Variants in GNG12 observed in about 807,000 individuals in gnomAD.
The protein encoded by GNG12 is G protein subunit gamma 12.
For missense variants in GNG12, 69 were observed against 83.8 expected, an observed-to-expected ratio of 0.82 and a Z score of 0.69; for synonymous variants, 28 against 29.7, an observed-to-expected ratio of 0.94 and a Z score of 0.19.
At chr1:67,753,606 T>A (rs1646551783) in intron 2 of GNG12, among the ~76,000 whole-genome samples, 1 of 152,208 alleles carries the variant, frequency 6.6e-6, no homozygotes, top group South Asian at 2.1e-4. Context: ...CCTCCAAGCA[T>A]GAAAAGCATT....
At chr1:67,798,916 T>C (rs1646847628) in intron 1 of GNG12, among the ~76,000 whole-genome samples, 1 of 152,020 alleles carries the variant, frequency 6.6e-6, no homozygotes, top group Admixed American at 6.5e-5. Context: ...ATCATGCCAC[T>C]GCACTCCAGC....
chr1:67,727,083 G>A lies in GNG12; in HGVS notation c.-26-19371C>T, dbSNP rs189024268. ...TTAAAGTGGAGGGAAATAGGGCTGC[G>A]TCCAAGGGTAATTCATCTTATGAGT... On this transcript the variant is annotated intron_variant, in intron 2 of 3. Coordinates refer to ENST00000370982, the MANE Select transcript of GNG12 (RefSeq NM_018841.6). Among the ~76,000 whole-genome samples the A allele has an allele frequency of 8.5e-5, 13 of 152,314 alleles. No individual in the cohort carries two copies. In the East Asian group the frequency reaches 1.9e-3, roughly 23 times the overall value.
chr1:67,730,920 T>C (rs573856229), intron 2 of GNG12, among the ~76,000 whole-genome samples: 7 of 152,182 alleles, frequency 4.6e-5, no homozygotes, highest in Admixed American at 1.3e-4. Flanking sequence ...GATATTCCTA[T>C]GAAATGTTGT....
intron 1 of GNG12, among the ~76,000 whole-genome samples, chr1:67,831,144 T>C (rs185290935): frequency 1.3e-5 from 2 of 152,350 alleles, no homozygotes; most frequent in Admixed American, 1.3e-4. Context: ...AAAATTTACT[T>C]GCTTTCACAA....
intron 2 of GNG12, among the ~76,000 whole-genome samples, chr1:67,749,127 C>T (rs1646524241): frequency 6.6e-6 from 1 of 152,166 alleles, no homozygotes; most frequent in African/African-American, 2.4e-5. Context: ...ACAGACATTA[C>T]TTATAGTAAC....
chr1:67,789,817 A>C (rs556381212), intron 1 of GNG12, among the ~76,000 whole-genome samples: 1 of 152,294 alleles, frequency 6.6e-6, no homozygotes, highest in South Asian at 2.1e-4. Context: ...CAGAGGAAGA[A>C]AATGAGAAGT....
intron 1 of GNG12, among the ~76,000 whole-genome samples, chr1:67,827,453 T>C (rs2100830064): frequency 6.6e-6 from 1 of 151,864 alleles, no homozygotes; most frequent in East Asian, 1.9e-4. Context: ...TAAGATGGCA[T>C]CTTGCTCTGT....
At chr1:67,742,840 G>T (rs1259541854) in intron 2 of GNG12, among the ~76,000 whole-genome samples, 1 of 151,948 alleles carries the variant, frequency 6.6e-6, no homozygotes, top group Non-Finnish European at 1.5e-5. Flanking sequence ...ATGTTTATTT[G>T]AAAAAGATAA....
intron 1 of GNG12, among the ~76,000 whole-genome samples, chr1:67,808,535 A>G (rs2265922): frequency 0.26 from 39,307 of 152,030 alleles, 5,689 homozygotes; most frequent in Admixed American, 0.34. Flanking sequence ...TGACATGAAC[A>G]TCTATGTAAA....
intron 3 of GNG12, among the ~76,000 whole-genome samples, chr1:67,706,911 C>T (rs756286672): frequency 1.2e-4 from 18 of 152,156 alleles, no homozygotes; most frequent in Admixed American, 4.6e-4. Flanking sequence ...CTGCCCGCCT[C>T]GGCCTCCCAA....
chr1:67,714,823 C>A (rs1184793479), intron 2 of GNG12, among the ~76,000 whole-genome samples: 2 of 152,140 alleles, frequency 1.3e-5, no homozygotes. Flanking sequence ...GGTCATTAAT[C>A]CAAAATGATT....
chr1:67,712,705 T>C lies in GNG12; in HGVS notation c.-26-4993A>G, dbSNP rs989971054. Among the ~76,000 whole-genome samples, 10 of 152,032 alleles carry C rather than the reference T, an allele frequency of 6.6e-5. 1 individual carries two copies. The East Asian group carries it at 1.9e-3, about 29-fold the overall frequency. ...GAGACCCCCATTTAAAAAAAAAAAG[T>C]TAACCCAGTTCGTAAGCCTTTTCAT... is the stretch of plus-strand genomic sequence containing the variant. On this transcript the variant is annotated intron_variant, in intron 2 of 3. Transcript: ENST00000370982.
chr1:67,709,811 GAT>G (rs560758532), intron 2 of GNG12, among the ~76,000 whole-genome samples: 2 of 121,188 alleles, frequency 1.7e-5, no homozygotes, highest in South Asian at 2.4e-4. Context: ...GCAAGTTGCA[GAT>G]ATATATATAT....
chr1:67,802,361 A>G (rs1646871348), intron 1 of GNG12, among the ~76,000 whole-genome samples: 1 of 152,214 alleles, frequency 6.6e-6, no homozygotes, highest in South Asian at 2.1e-4. Context: ...GGACGCACCT[A>G]CTTAAAACCA....
intron 2 of GNG12, among the ~76,000 whole-genome samples, chr1:67,748,998 T>C (rs1183752767): frequency 2.6e-5 from 4 of 151,776 alleles, no homozygotes; most frequent in South Asian, 2.1e-4. Context: ...AAAAAAATCA[T>C]CTCTGACTTA....
intron 1 of GNG12, among the ~76,000 whole-genome samples, chr1:67,796,751 T>C (rs1646833596): frequency 6.6e-6 from 1 of 152,130 alleles, no homozygotes; most frequent in Admixed American, 6.5e-5. Context: ...GTAGTGTTGT[T>C]TATTTTGTGT....
intron 2 of GNG12, among the ~76,000 whole-genome samples, chr1:67,730,089 C>T (rs1197045914): frequency 1.3e-5 from 2 of 152,142 alleles, no homozygotes; most frequent in African/African-American, 2.4e-5. Flanking sequence ...AATGAGAACA[C>T]AATGAGTCAC....
intron 2 of GNG12, among the ~76,000 whole-genome samples, chr1:67,763,090 G>GGGGAGAGAGAGAGAGAGAGA (rs1553157319): frequency 8.6e-6 from 1 of 116,724 alleles, no homozygotes; most frequent in Non-Finnish European, 1.8e-5. Context: ...TACCCTCCCA[G>GGGGAGAGAGAGAGAGAGAGA]GAGAGAGAGA....
At chr1:67,760,191 C>T (rs919980835) in intron 2 of GNG12, among the ~76,000 whole-genome samples, 5 of 152,120 alleles carry the variant, frequency 3.3e-5, no homozygotes, top group Admixed American at 6.5e-5. Flanking sequence ...TCCAGTGAGT[C>T]CAAGGTGCTA....
Sources: allele counts gnomAD v4.1 joint callset (sites outside exome capture counted in the v4.1 genomes callset), GRCh38; gene constraint gnomAD v4.1.1; transcripts MANE v1.5; gene names NCBI Gene and HGNC (gene_info 2026-07-23, HGNC 2026-07-21).